Variants in STX5 observed in about 807,000 individuals in gnomAD.
STX5 encodes the protein syntaxin-5.
STX5 carries 15 observed loss-of-function variants against 42.9 expected under a neutral mutation model. That is an observed-to-expected ratio of 0.35 (90% CI 0.23 to 0.54). STX5 has a LOEUF of 0.54. Ranked by LOEUF, STX5 falls within the 20% of genes least tolerant of loss-of-function variation. The probability of loss-of-function intolerance (pLI) is 0.91; values close to 1 mark genes in which losing one functional copy is unlikely to be tolerated. For missense variants in STX5, 430 were observed against 455.0 expected, an observed-to-expected ratio of 0.95 and a Z score of 0.50; for synonymous variants, 184 against 173.2, an observed-to-expected ratio of 1.06 and a Z score of -0.49.
chr11:62,816,462 GGA>G (rs1409407171), intron 10 of STX5, among the ~76,000 whole-genome samples: 3 of 151,864 alleles, frequency 2.0e-5, no homozygotes, highest in African/African-American at 7.3e-5. Context: ...TCATTTTCTT[GGA>G]GAGATAGGGT....
At chr11:62,813,333 C>T (rs553639384) in intron 10 of STX5, among the ~76,000 whole-genome samples, 34 of 152,264 alleles carry the variant, frequency 2.2e-4, no homozygotes, top group African/African-American at 7.2e-4. Context: ...GACAGCTGTA[C>T]TCACGGTACC....
At position 62,813,365 on chromosome 11, in the gene STX5, C is replaced by A. The variant is rs114635175; in HGVS notation, c.909-5737G>T. Among the ~76,000 whole-genome samples, 1,267 of 152,248 alleles carry A rather than the reference C, an allele frequency of 8.3e-3. 20 individuals are homozygous for A. Among genetic ancestry groups the A allele is most frequent in the African/African-American group, 0.029 (1,187 of 41,550 alleles). On this transcript the variant is annotated intron_variant, in intron 10 of 10. Coordinates refer to ENST00000294179, the MANE Select transcript of STX5 (RefSeq NM_003164.5). Reference sequence around the variant, plus strand: ...TACCTTATAAATGGCTGGTGCTCAACATATAGTAGTTGAATAAACAAACTT... The same window carrying A: ...TACCTTATAAATGGCTGGTGCTCAAAATATAGTAGTTGAATAAACAAACTT...
chr11:62,816,722 GAAAAAAA>G (rs71056565), intron 10 of STX5, among the ~76,000 whole-genome samples: 1 of 90,194 alleles, frequency 1.1e-5, no homozygotes. Context: ...CGCCTTTACT[GAAAAAAA>G]AAAAAAAAAA....
At chr11:62,827,314 C>G (rs746789442) in intron 4 of STX5, 29 bp downstream of exon 4, 2 of 1,614,164 alleles carry the variant, frequency 1.2e-6, no homozygotes, top group Non-Finnish European at 1.7e-6. Flanking sequence ...TTTACTGCCC[C>G]ACTTCTGAAA....
At chr11:62,824,693 C>A in intron 8 of STX5, 128 bp from the exon 9 acceptor site, 1 of 825,616 alleles carries the variant, frequency 1.2e-6, no homozygotes, top group South Asian at 1.6e-5. Flanking sequence ...CATTTAACCT[C>A]TCTGAGCCTC....
At chr11:62,831,359 T>C in intron 1 of STX5, 97 bp from the exon 2 acceptor site, 1 of 946,862 alleles carries the variant, frequency 1.1e-6, no homozygotes. Context: ...CCTTCTGCAC[T>C]TCTCGTGGAC....
At chr11:62,825,868 G>C (rs569220716) in intron 5 of STX5, among the ~76,000 whole-genome samples, 1 of 152,134 alleles carries the variant, frequency 6.6e-6, no homozygotes, top group Non-Finnish European at 1.5e-5. Context: ...CCAAAATCTC[G>C]GGTCTAGGGC....
intron 10 of STX5, among the ~76,000 whole-genome samples, chr11:62,815,348 G>C (rs965472245): frequency 4.6e-5 from 7 of 151,752 alleles, no homozygotes; most frequent in African/African-American, 1.7e-4. Flanking sequence ...TATTTTTTAG[G>C]ACAGAGTATC....
intron 3 of STX5, 65 bp from the exon 4 acceptor site, chr11:62,827,463 C>T: frequency 6.2e-7 from 1 of 1,613,254 alleles, no homozygotes; most frequent in Non-Finnish European, 8.5e-7. Context: ...TAAGCTCCAG[C>T]ATAACCAATC....
intron 10 of STX5, among the ~76,000 whole-genome samples, chr11:62,814,031 C>A (rs1044317963): frequency 6.6e-6 from 1 of 152,106 alleles, no homozygotes; most frequent in African/African-American, 2.4e-5. Context: ...GCCTTTTAAA[C>A]CCTCTAGGCT....
At chr11:62,811,211 A>AAGAGGCCACTGTCCTAAG (rs2134808685) in intron 10 of STX5, among the ~76,000 whole-genome samples, 1 of 152,204 alleles carries the variant, frequency 6.6e-6, no homozygotes, top group South Asian at 2.1e-4. Flanking sequence ...GGGTTTCACC[A>AAGAGGCCACTGTCCTAAG]AGAGGCCACT....
At chr11:62,809,054 C>T (rs562112753) in intron 10 of STX5, among the ~76,000 whole-genome samples, 8 of 151,838 alleles carry the variant, frequency 5.3e-5, no homozygotes, top group South Asian at 2.1e-4. Flanking sequence ...TTTGGGAGGC[C>T]GAGGCAGGCC....
chr11:62,830,536 A>C (rs531799066), intron 2 of STX5: 45 of 456,682 alleles, frequency 9.9e-5, no homozygotes, highest in African/African-American at 9.0e-4. Flanking sequence ...GACAGAGTTG[A>C]AAAACAGATC....
chr11:62,808,898 TAAAAC>T (rs753312941), intron 10 of STX5, among the ~76,000 whole-genome samples: 43 of 152,212 alleles, frequency 2.8e-4, no homozygotes, highest in Non-Finnish European at 5.0e-4. Context: ...TCATGAAAAA[TAAAAC>T]AAAAGGCCCA....
intron 8 of STX5, among the ~76,000 whole-genome samples, 162 bp downstream of exon 8, chr11:62,824,874 G>T (rs138013549): frequency 6.6e-6 from 1 of 152,296 alleles, no homozygotes; most frequent in African/African-American, 2.4e-5. Context: ...GTCTAAATGT[G>T]GATCACGAAT....
At chr11:62,831,899 A>G in intron 1 of STX5, 55 bp downstream of exon 1, 1 of 456,484 alleles carries the variant, frequency 2.2e-6, no homozygotes, top group Non-Finnish European at 4.4e-6. Flanking sequence ...CCCCCGTAAA[A>G]CCACTGCCCC....
Position 62,824,173 on chromosome 11 carries a change from T to G in STX5, c.901A>C (p.Ile301Leu). The change falls in exon 10 of 11, where the codon ATT (isoleucine) becomes CTT (leucine). Residue 301 changes from isoleucine to leucine, a missense_variant. Transcript: ENST00000294179. ...AHMVKEQEETIQRIDENVLGA... is the reference protein window; with the variant it reads ...AHMVKEQEETLQRIDENVLGA... ...CGAGAGAGTGTATCTCACCTCTGAATGGTTTCCTCCTGTTCCTTAACCATG... is the reference window on the plus strand; with the variant it reads ...CGAGAGAGTGTATCTCACCTCTGAAGGGTTTCCTCCTGTTCCTTAACCATG... 1 of 1,614,180 alleles carries G rather than the reference T, an allele frequency of 6.2e-7. No individual in the cohort carries two copies. Among genetic ancestry groups the G allele is most frequent in the Non-Finnish European group, 8.5e-7 (1 of 1,180,024 alleles).
chr11:62,828,009 G>A (rs887562943), intron 2 of STX5, among the ~76,000 whole-genome samples: 1 of 150,000 alleles, frequency 6.7e-6, no homozygotes, highest in African/African-American at 2.5e-5. Context: ...ATGGTATCTA[G>A]TATTGCCATT....
chr11:62,824,115 TC>T, intron 10 of STX5, 50 bp downstream of exon 10: 4 of 1,612,986 alleles, frequency 2.5e-6, no homozygotes, highest in Non-Finnish European at 3.4e-6. Context: ...AAGATGCCAA[TC>T]CACGGGGAAG....
Sources: allele counts gnomAD v4.1 joint callset (sites outside exome capture counted in the v4.1 genomes callset), GRCh38; gene constraint gnomAD v4.1.1; transcripts MANE v1.5; gene names NCBI Gene and HGNC (gene_info 2026-07-23, HGNC 2026-07-21).